MRTFA: variants seen among roughly 807,000 people sequenced by gnomAD.
The protein encoded by MRTFA is myocardin related transcription factor A.
Under a neutral mutation model 83.5 loss-of-function variants are expected in MRTFA, and 20 were observed. The ratio of observed to expected loss-of-function variants is 0.24; its 90% CI spans 0.17 to 0.35. MRTFA has a LOEUF of 0.35. Among genes scored for constraint, MRTFA ranks in the 10% least tolerant of loss-of-function variants. MRTFA has a pLI of 1.00. For missense variants in MRTFA, 1,200 were observed against 1,224.7 expected, an observed-to-expected ratio of 0.98 and a Z score of 0.30; for synonymous variants, 659 against 541.2, an observed-to-expected ratio of 1.22 and a Z score of -3.02.
chr22:40,442,072 C>G lies in MRTFA; in HGVS notation c.308-6518G>C, dbSNP rs552642873. 4.6e-5 allele frequency among the ~76,000 whole-genome samples: 7 copies of G among 152,262 alleles called. 1 individual carries two copies. The East Asian group carries it at 9.6e-4, about 21-fold the overall frequency. On this transcript the variant is annotated intron_variant, in intron 4 of 14. Transcript: ENST00000355630. ...TTTTCCCTTGCCAGCTCCAGATTTA[C>G]TTAAACAAGTAGGTAAATGAGTCTT...
chr22:40,508,836 T>C (rs1055688531), intron 3 of MRTFA, among the ~76,000 whole-genome samples: 2 of 148,802 alleles, frequency 1.3e-5, no homozygotes, highest in African/African-American at 2.5e-5. Context: ...ATAGCGAGAC[T>C]CTGCCTCTAC....
At chr22:40,523,922 G>T (rs1476548872) in intron 3 of MRTFA, among the ~76,000 whole-genome samples, 1 of 152,080 alleles carries the variant, frequency 6.6e-6, no homozygotes, top group Non-Finnish European at 1.5e-5. Flanking sequence ...TAAGAAAACA[G>T]TTCAAAAAAT....
chr22:40,541,660 G>C (rs1195080382), intron 3 of MRTFA, among the ~76,000 whole-genome samples: 1 of 152,056 alleles, frequency 6.6e-6, no homozygotes, highest in Non-Finnish European at 1.5e-5. Flanking sequence ...GTGTGTGTGT[G>C]TGTGTATTTT....
intron 2 of MRTFA, among the ~76,000 whole-genome samples, chr22:40,556,177 T>C (rs983635201): frequency 7.9e-5 from 12 of 152,204 alleles, no homozygotes; most frequent in African/African-American, 2.9e-4. Flanking sequence ...ATAAAAAGAC[T>C]ATAGTTTCTG....
In MRTFA at chr22:40,418,808, T is replaced by C; in HGVS notation, c.1930A>G (p.Lys644Glu). 1 of 1,607,582 alleles carries C rather than the reference T, an allele frequency of 6.2e-7. No individual in the cohort carries two copies. Among genetic ancestry groups the C allele is most frequent in the African/African-American group, 1.3e-5 (1 of 74,940 alleles). The change falls in exon 12 of 15, where the codon AAG becomes GAG. Residue 644 changes from lysine to glutamate, a missense_variant. Lys to Glu is a moderately conservative substitution (Grantham distance 56). This residue lies in a region of MRTFA where 1,107 missense variants were observed against 1,041.8 expected (regional missense o/e 1.06). Coordinates refer to ENST00000355630, the MANE Select transcript of MRTFA (RefSeq NM_020831.6). ...TTGAGCCGCTCCACCAGCTGCTGCTTCTGCCGGAGCATGCGCGTCAGCGCC... is the reference window on the plus strand; with the variant it reads ...TTGAGCCGCTCCACCAGCTGCTGCTCCTGCCGGAGCATGCGCGTCAGCGCC...
chr22:40,529,099 T>A (rs376758790), intron 3 of MRTFA, among the ~76,000 whole-genome samples: 2 of 152,130 alleles, frequency 1.3e-5, no homozygotes, highest in African/African-American at 4.8e-5. Context: ...TAACATACTA[T>A]CAAAAAGGGA....
intron 3 of MRTFA, 59 bp downstream of exon 3, chr22:40,552,047 T>C (rs1264205021): frequency 2.5e-6 from 1 of 397,078 alleles, no homozygotes; most frequent in African/African-American, 2.1e-5. Flanking sequence ...ATCTGTAACA[T>C]TATAAACATG....
intron 2 of MRTFA, among the ~76,000 whole-genome samples, chr22:40,563,923 G>T (rs545925012): frequency 2.0e-5 from 3 of 152,166 alleles, no homozygotes; most frequent in African/African-American, 2.4e-5. Flanking sequence ...ATGCGGTTGT[G>T]GGGGGAGGTT....
intron 2 of MRTFA, among the ~76,000 whole-genome samples, chr22:40,591,881 T>C (rs572778471): frequency 6.6e-6 from 1 of 152,326 alleles, no homozygotes; most frequent in South Asian, 2.1e-4. Flanking sequence ...ATTTCAGCCC[T>C]TGAAAGGACA....
chr22:40,461,451 G>C (rs373161574), intron 4 of MRTFA, among the ~76,000 whole-genome samples: 20 of 151,698 alleles, frequency 1.3e-4, no homozygotes, highest in African/African-American at 4.8e-4. Flanking sequence ...CCAGGAGGTT[G>C]AGTTCAGCCT....
At chr22:40,508,349 A>G (rs749808883) in intron 3 of MRTFA, among the ~76,000 whole-genome samples, 1 of 151,794 alleles carries the variant, frequency 6.6e-6, no homozygotes, top group Non-Finnish European at 1.5e-5. Flanking sequence ...ACGTCTATTA[A>G]AAGTACAAAA....
intron 3 of MRTFA, among the ~76,000 whole-genome samples, chr22:40,472,378 C>T (rs1457011888): frequency 1.1e-4 from 16 of 152,144 alleles, no homozygotes; most frequent in Admixed American, 3.3e-4. Flanking sequence ...GTAAATAGTG[C>T]GAAGCAGGTT....
intron 1 of MRTFA, among the ~76,000 whole-genome samples, chr22:40,615,686 CT>C (rs59431175): frequency 6.0e-4 from 86 of 142,254 alleles, no homozygotes; most frequent in African/African-American, 6.5e-4. Flanking sequence ...ATTTTCTTTT[CT>C]TTTTTTTTTT....
chr22:40,419,048 T>G lies in MRTFA; in HGVS notation c.1690A>C (p.Ser564Arg). Residue 564 changes from serine to arginine, a missense_variant, in exon 12 of 15, where the codon AGC (serine) becomes CGC (arginine). Ser to Arg is a moderately radical substitution (Grantham distance 110). Transcript: ENST00000355630. ...GGGGTGGAGTTTTCATCGCCCGTGC[T>G]GAGCAGTGAGCGCTCCGAGGGGGTG... The G allele has an allele frequency of 6.2e-7, 1 of 1,611,652 alleles. No individual in the cohort carries two copies. Among genetic ancestry groups the G allele is most frequent in the Non-Finnish European group, 8.5e-7 (1 of 1,179,480 alleles).
chr22:40,509,673 T>G (rs1396511130), intron 3 of MRTFA, among the ~76,000 whole-genome samples: 2 of 152,160 alleles, frequency 1.3e-5, no homozygotes, highest in Non-Finnish European at 2.9e-5. Context: ...AATACCTAAG[T>G]TTATCTCCAG....
intron 11 of MRTFA, among the ~76,000 whole-genome samples, chr22:40,420,152 T>C (rs1019323956): frequency 6.6e-6 from 1 of 152,236 alleles, no homozygotes; most frequent in Non-Finnish European, 1.5e-5. Flanking sequence ...CCTGGACAGA[T>C]GCTGGCTGTG....
chr22:40,536,097 G>C (rs1049616239), intron 3 of MRTFA, among the ~76,000 whole-genome samples: 1 of 150,600 alleles, frequency 6.6e-6, no homozygotes. Flanking sequence ...TAGAGACCAG[G>C]TTGGGCAACA....
In MRTFA at chr22:40,411,918, A is replaced by T; in HGVS notation, c.2579-11T>A. Reference sequence around the variant, plus strand: ...AATCTGCTGAAATTTCTGCCAATCAATCAAGAGAGTAAATGGATATCAGAA... The same window carrying T: ...AATCTGCTGAAATTTCTGCCAATCATTCAAGAGAGTAAATGGATATCAGAA... On this transcript the variant is annotated splice_polypyrimidine_tract_variant and intron_variant, in intron 14 of 14. Transcript: ENST00000355630. 1 of 1,479,842 alleles carries T rather than the reference A, an allele frequency of 6.8e-7. No homozygotes were observed. The highest frequency in any genetic ancestry group is 9.0e-7 in the Non-Finnish European group (1 of 1,113,774). The allele number at this position is 1,479,842 out of a possible 1,614,324, so 91.7% of individuals were successfully genotyped here.
intron 1 of MRTFA, among the ~76,000 whole-genome samples, chr22:40,635,466 C>T (rs1405503683): frequency 6.6e-6 from 1 of 152,190 alleles, no homozygotes; most frequent in Non-Finnish European, 1.5e-5. Context: ...ACATACGAAG[C>T]ATGGGGTAAT....
Sources: allele counts gnomAD v4.1 joint callset (sites outside exome capture counted in the v4.1 genomes callset), GRCh38; gene constraint gnomAD v4.1.1; regional missense constraint gnomAD v4.1.1; transcripts MANE v1.5; gene names NCBI Gene and HGNC (gene_info 2026-07-23, HGNC 2026-07-21).